Variants in GRID2 observed in about 807,000 individuals in gnomAD.
The protein encoded by GRID2 is glutamate receptor ionotropic, delta-2.
In GRID2, 33 loss-of-function variants were observed where a neutral mutation model predicts 114.8. The ratio of observed to expected loss-of-function variants is 0.29; its 90% CI spans 0.22 to 0.38. The LOEUF (loss-of-function observed/expected upper bound fraction) is 0.38, where lower values mean the gene tolerates loss of function less well. Ranked by LOEUF, GRID2 falls within the 10% of genes least tolerant of loss-of-function variation. The pLI is 1.00. For synonymous variants in GRID2, 505 were observed against 449.9 expected, an observed-to-expected ratio of 1.12 and a Z score of -1.55; for missense variants, 1,184 against 1,257.7, an observed-to-expected ratio of 0.94 and a Z score of 0.89.
At chr4:92,718,780 A>AC (rs1735669395) in intron 2 of GRID2, among the ~76,000 whole-genome samples, 1 of 151,430 alleles carries the variant, frequency 6.6e-6, no homozygotes, top group Admixed American at 6.6e-5. Context: ...AAAAAAAAAA[A>AC]AAAGCCAGAA....
At chr4:92,418,731 C>G (rs538296836) in intron 1 of GRID2, among the ~76,000 whole-genome samples, 2 of 151,942 alleles carry the variant, frequency 1.3e-5, no homozygotes, top group East Asian at 1.9e-4. Flanking sequence ...TCCTTCCACA[C>G]CCCCCTAAAA....
At chr4:93,187,622 T>A (rs993400287) in intron 4 of GRID2, among the ~76,000 whole-genome samples, 17 of 152,162 alleles carry the variant, frequency 1.1e-4, no homozygotes, top group Non-Finnish European at 2.4e-4. Context: ...AAGTCTGAAG[T>A]GCAGAATCTC....
chr4:92,674,864 A>G (rs536265058), intron 2 of GRID2, among the ~76,000 whole-genome samples: 2 of 152,318 alleles, frequency 1.3e-5, no homozygotes, highest in South Asian at 4.1e-4. Flanking sequence ...TCAAACATAC[A>G]TGTAATAGCT....
chr4:93,710,881 G>C (rs1038819526), intron 14 of GRID2, among the ~76,000 whole-genome samples: 2 of 152,034 alleles, frequency 1.3e-5, no homozygotes, highest in African/African-American at 4.8e-5. Flanking sequence ...GGCCCATGGT[G>C]AGTACTGCCT....
chr4:93,101,112 C>T (rs570472640), intron 3 of GRID2, among the ~76,000 whole-genome samples: 1 of 152,084 alleles, frequency 6.6e-6, no homozygotes, highest in Admixed American at 6.6e-5. Flanking sequence ...AGACTTGAAA[C>T]AGATTTATTT....
At chr4:93,564,005 T>A (rs1170618268) in intron 13 of GRID2, among the ~76,000 whole-genome samples, 3 of 151,942 alleles carry the variant, frequency 2.0e-5, no homozygotes, top group African/African-American at 7.2e-5. Context: ...GAAAATTTTC[T>A]GAGGTCTGCT....
chr4:93,782,698 A>G (rs892845860), intron 1 of GRID2, among the ~76,000 whole-genome samples: 1 of 152,230 alleles, frequency 6.6e-6, no homozygotes, highest in Non-Finnish European at 1.5e-5. Context: ...TCCACTTTTC[A>G]GAGGTCAAAG....
intron 2 of GRID2, among the ~76,000 whole-genome samples, chr4:92,608,314 G>A (rs1401212256): frequency 6.6e-6 from 1 of 151,704 alleles, no homozygotes; most frequent in African/African-American, 2.4e-5. Flanking sequence ...CATTAATAAA[G>A]ATATCAATCT....
chr4:92,747,012 G>C (rs1308714526), intron 2 of GRID2, among the ~76,000 whole-genome samples: 1 of 151,910 alleles, frequency 6.6e-6, no homozygotes, highest in African/African-American at 2.4e-5. Flanking sequence ...TAAACATATA[G>C]AGAATTGATG....
chr4:93,503,803 T>C (rs1728369992), intron 12 of GRID2, among the ~76,000 whole-genome samples: 1 of 152,108 alleles, frequency 6.6e-6, no homozygotes, highest in Non-Finnish European at 1.5e-5. Context: ...ACCAATGAGA[T>C]ATCTTAATAA....
chr4:93,699,703 GA>G (rs1727341514), intron 14 of GRID2, among the ~76,000 whole-genome samples: 1 of 152,068 alleles, frequency 6.6e-6, no homozygotes, highest in South Asian at 2.1e-4. Flanking sequence ...ATGAAAGGGA[GA>G]GTCCTGAAAT....
At chr4:93,134,812 A>C (rs1162291623) in intron 4 of GRID2, among the ~76,000 whole-genome samples, 1 of 152,184 alleles carries the variant, frequency 6.6e-6, no homozygotes, top group East Asian at 1.9e-4. Flanking sequence ...AATTCTACCC[A>C]GTGGCTATAA....
In GRID2 at chr4:93,379,040, T is replaced by A. The variant is rs569838465; in HGVS notation, c.1246-16567T>A. On this transcript the variant is annotated intron_variant, in intron 8 of 15. Transcript: ENST00000282020. ...AAGACAAGAGTGATACCTGTTTTTT[T>A]ATTCTCTACATTAATAAAACATGCC... 3.9e-5 allele frequency among the ~76,000 whole-genome samples: 6 copies of A among 152,214 alleles called. No individual in the cohort carries two copies. The South Asian group carries it at 1.0e-3, about 26-fold the overall frequency.
chr4:93,095,416 A>G (rs1731127257), intron 3 of GRID2, among the ~76,000 whole-genome samples: 1 of 152,064 alleles, frequency 6.6e-6, no homozygotes, highest in African/African-American at 2.4e-5. Context: ...ATTAAAAAGA[A>G]TACATATCCT....
chr4:93,801,114 A>G (rs767954534), intron 1 of GRID2, among the ~76,000 whole-genome samples: 2 of 152,154 alleles, frequency 1.3e-5, no homozygotes, highest in Admixed American at 6.5e-5. Flanking sequence ...GCTTGGTAAT[A>G]TACCTGCATG....
chr4:93,286,503 T>C (rs1753166750), intron 8 of GRID2, among the ~76,000 whole-genome samples: 1 of 152,110 alleles, frequency 6.6e-6, no homozygotes, highest in Non-Finnish European at 1.5e-5. Context: ...TCTTTGTGCT[T>C]TGCCATTAAC....
chr4:92,348,195 G>A (rs902861110), intron 1 of GRID2, among the ~76,000 whole-genome samples: 25 of 151,920 alleles, frequency 1.6e-4, no homozygotes, highest in African/African-American at 5.8e-4. Context: ...CAAACTGCTG[G>A]GCTCAAGTGA....
chr4:92,786,191 T>C (rs1450202158), intron 2 of GRID2, among the ~76,000 whole-genome samples: 1 of 151,938 alleles, frequency 6.6e-6, no homozygotes, highest in Non-Finnish European at 1.5e-5. Flanking sequence ...TCTGTTGGCT[T>C]CCTGTCTCTA....
At chr4:92,779,887 A>T (rs2149357860) in intron 2 of GRID2, among the ~76,000 whole-genome samples, 1 of 152,166 alleles carries the variant, frequency 6.6e-6, no homozygotes, top group Admixed American at 6.5e-5. Flanking sequence ...AGATGTTTTC[A>T]CCTTTGTTTA....
Sources: allele counts gnomAD v4.1 joint callset (sites outside exome capture counted in the v4.1 genomes callset), GRCh38; gene constraint gnomAD v4.1.1; transcripts MANE v1.5; gene names NCBI Gene and HGNC (gene_info 2026-07-23, HGNC 2026-07-21).